The following USH2A variants were observed in gnomAD, a reference collection of about 807,000 sequenced individuals.
USH2A encodes usherin, also known as Usher syndrome 2A (autosomal recessive, mild).
Under a neutral mutation model 538.9 loss-of-function variants are expected in USH2A, and 443 were observed. That is an observed-to-expected ratio of 0.82 (90% CI 0.76 to 0.89). USH2A has a LOEUF of 0.89. USH2A is among the 40% of genes least tolerant of loss of function. USH2A has a pLI of 0.00. For synonymous variants in USH2A, 2,413 were observed against 2,273.5 expected, an observed-to-expected ratio of 1.06 and a Z score of -1.75; for missense variants, 6,633 against 6,324.8, an observed-to-expected ratio of 1.05 and a Z score of -1.65.
chr1:215,676,392 T>G (rs907053728), intron 62 of USH2A, among the ~76,000 whole-genome samples: 1 of 152,154 alleles, frequency 6.6e-6, no homozygotes, highest in Non-Finnish European at 1.5e-5. Flanking sequence ...TTAATCTGAA[T>G]GCAGGTGTTT....
intron 3 of USH2A, among the ~76,000 whole-genome samples, chr1:216,365,831 G>A (rs2038585495): frequency 6.6e-6 from 1 of 152,128 alleles, no homozygotes; most frequent in Non-Finnish European, 1.5e-5. Context: ...AATGGGCATG[G>A]CTGTGTCCAA....
At chr1:216,074,702 G>A (rs1054136220) in intron 27 of USH2A, among the ~76,000 whole-genome samples, 39 of 152,212 alleles carry the variant, frequency 2.6e-4, no homozygotes, top group African/African-American at 8.9e-4. Context: ...ATCATTGGCT[G>A]GAAAATTCAG....
intron 11 of USH2A, among the ~76,000 whole-genome samples, chr1:216,282,411 T>C (rs542712340): frequency 6.6e-6 from 1 of 152,280 alleles, no homozygotes; most frequent in African/African-American, 2.4e-5. Flanking sequence ...ATATGTGAGG[T>C]GGGGTAGGAG....
At chr1:216,221,887 C>T (rs1031892777) in intron 14 of USH2A, among the ~76,000 whole-genome samples, 2 of 152,076 alleles carry the variant, frequency 1.3e-5, no homozygotes, top group Non-Finnish European at 2.9e-5. Flanking sequence ...TAAGACTAGG[C>T]AAGAAAGTCA....
At chr1:216,240,881 T>G (rs2035924432) in intron 13 of USH2A, among the ~76,000 whole-genome samples, 1 of 152,126 alleles carries the variant, frequency 6.6e-6, no homozygotes, top group Non-Finnish European at 1.5e-5. Flanking sequence ...TGGATATAGC[T>G]GTGCAACAGA....
intron 64 of USH2A, among the ~76,000 whole-genome samples, chr1:215,663,111 C>T (rs183572942): frequency 6.4e-4 from 98 of 152,264 alleles, no homozygotes; most frequent in African/African-American, 2.2e-3. Context: ...AGTATCACAC[C>T]TTTAGAGGCA....
Position 216,175,498 on chromosome 1 carries a change from C to CA in USH2A, c.4397-17dup, listed in dbSNP as rs1175823227. 1 of 1,612,902 alleles carries CA rather than the reference C, an allele frequency of 6.2e-7. No individual in the cohort carries two copies. Among genetic ancestry groups the CA allele is most frequent in the Non-Finnish European group, 8.5e-7 (1 of 1,179,166 alleles). The stretch of plus-strand genomic sequence containing the variant: ...TGTGCTGGTGCTAAATATTAGAAAA[C>CA]ACCTGTTATATTCAAGAATTTGGTT... On this transcript the variant is annotated splice_polypyrimidine_tract_variant and intron_variant, in intron 20 of 71. Transcript: ENST00000307340.
chr1:216,012,379 C>G (rs894646512), intron 32 of USH2A, among the ~76,000 whole-genome samples: 1 of 152,108 alleles, frequency 6.6e-6, no homozygotes, highest in African/African-American at 2.4e-5. Context: ...CCAGGACTGG[C>G]AAATTAGCTT....
chr1:215,979,755 A>G (rs1226839389), intron 35 of USH2A, among the ~76,000 whole-genome samples: 1 of 152,154 alleles, frequency 6.6e-6, no homozygotes, highest in Non-Finnish European at 1.5e-5. Context: ...TTAGATTGCA[A>G]TATGGTATGA....
rs374661521 is a variant in USH2A at position 215,625,826 on chromosome 1, G to A, written c.15564C>T (p.Ser5188=). 8.1e-6 allele frequency: 13 copies of A among 1,614,080 alleles called. No homozygotes were observed. In the African/African-American group the frequency reaches 1.6e-4, roughly 20 times the overall value. The part of the protein sequence containing the change: ...EDLMNAIKDF[S]SVTKERTTFT... ...ATGTGGTGCGTTCCTTAGTCACTGA[G>A]CTGAAATCCTTGATGGCGTTCATCA... The change falls in exon 72 of 72, where the codon AGC becomes AGT. Residue 5188 remains serine (S), a synonymous_variant. Transcript: ENST00000307340.
intron 27 of USH2A, among the ~76,000 whole-genome samples, chr1:216,074,138 C>A (rs951178851): frequency 6.6e-6 from 1 of 152,206 alleles, no homozygotes; most frequent in Non-Finnish European, 1.5e-5. Context: ...AGAGTATTCA[C>A]CACTTTTTTG....
At chr1:216,236,224 C>T (rs1217399930) in intron 13 of USH2A, among the ~76,000 whole-genome samples, 2 of 151,644 alleles carry the variant, frequency 1.3e-5, no homozygotes, top group East Asian at 3.9e-4. Context: ...TTCTGGGCTG[C>T]TACTCCCTTC....
rs536128544 is a variant in USH2A at position 215,786,337 on chromosome 1, C to A, written c.10387+333G>T. Among the ~76,000 whole-genome samples the A allele has an allele frequency of 9.2e-5, 14 of 152,266 alleles. No homozygotes were observed. In the East Asian group the frequency reaches 2.5e-3, roughly 27 times the overall value. ...TATAGCAGTATTCATTCAATGCATT[C>A]AGTGGAAGCTGCATTGCAGCTTTTG... On this transcript the variant is annotated intron_variant, in intron 52 of 71. Transcript: ENST00000307340.
rs751890894 is a variant in USH2A at position 216,207,279 on chromosome 1, G to T, written c.3310C>A (p.Pro1104Thr). 1.5e-5 allele frequency: 25 copies of T among 1,613,734 alleles called. No individual in the cohort carries two copies. Among genetic ancestry groups the T allele is most frequent in the Non-Finnish European group, 1.7e-6 (2 of 1,179,890 alleles). ...ACCAAACCCTTAAACTCACTGTATG[G>T]GTATTGATCCTCTGTTGTGTAGATT... The part of the protein sequence containing the change: ...FEIYTTEDQY[P>T]YSIQYFLDTD... Residue 1104 changes from proline to threonine, a missense_variant, in exon 16 of 72, where the codon CCA (proline) becomes ACA (threonine). Pro to Thr is a conservative substitution (Grantham distance 38, BLOSUM62 -1). Transcript: ENST00000307340.
chr1:215,667,816 TG>T (rs751821748), intron 64 of USH2A, among the ~76,000 whole-genome samples: 44 of 152,354 alleles, frequency 2.9e-4, no homozygotes, highest in Middle Eastern at 3.4e-3. Flanking sequence ...TGGAATGAGT[TG>T]ATTTAGACTA....
At chr1:215,739,961 GAGA>G (rs1318374045) in intron 60 of USH2A, among the ~76,000 whole-genome samples, 1 of 152,196 alleles carries the variant, frequency 6.6e-6, no homozygotes, top group Admixed American at 6.5e-5. Context: ...ATGAGGATCT[GAGA>G]AGAAGGGTGT....
At chr1:216,368,183 C>T (rs544391977) in intron 3 of USH2A, among the ~76,000 whole-genome samples, 3 of 148,808 alleles carry the variant, frequency 2.0e-5, no homozygotes, top group Non-Finnish European at 3.0e-5. Flanking sequence ...TTGTACTCAT[C>T]CCTTTGAGTA....
chr1:216,041,086 T>G (rs2030254470), intron 32 of USH2A, among the ~76,000 whole-genome samples: 1 of 152,012 alleles, frequency 6.6e-6, no homozygotes, highest in South Asian at 2.1e-4. Context: ...TGTATATACC[T>G]CACGTATTTA....
chr1:215,942,742 G>A (rs537352396), intron 37 of USH2A, among the ~76,000 whole-genome samples: 1 of 152,248 alleles, frequency 6.6e-6, no homozygotes, highest in African/African-American at 2.4e-5. Flanking sequence ...GTATAGCGCA[G>A]CTCCTAACTT....
Sources: allele counts gnomAD v4.1 joint callset (sites outside exome capture counted in the v4.1 genomes callset), GRCh38; gene constraint gnomAD v4.1.1; transcripts MANE v1.5; gene names NCBI Gene and HGNC (gene_info 2026-07-23, HGNC 2026-07-21).